Variants in DLG2 observed in about 807,000 individuals in gnomAD.
The protein encoded by DLG2 is disks large homolog 2.
DLG2 carries 45 observed loss-of-function variants against 132.5 expected under a neutral mutation model. That is an observed-to-expected ratio of 0.34 (90% CI 0.27 to 0.44). The LOEUF (loss-of-function observed/expected upper bound fraction) is 0.44. Among genes scored for constraint, DLG2 ranks in the 20% least tolerant of loss-of-function variants. The pLI, the probability that DLG2 is intolerant of heterozygous loss-of-function variation, is 1.00. For synonymous variants in DLG2, 424 were observed against 419.6 expected, an observed-to-expected ratio of 1.01 and a Z score of -0.13; for missense variants, 1,045 against 1,196.9, an observed-to-expected ratio of 0.87 and a Z score of 1.87.
chr11:85,617,167 C>T (rs1413591358), intron 2 of DLG2, among the ~76,000 whole-genome samples: 1 of 152,190 alleles, frequency 6.6e-6, no homozygotes, highest in East Asian at 1.9e-4. Context: ...TTACCTGATC[C>T]TGTCCCTTCT....
intron 18 of DLG2, among the ~76,000 whole-genome samples, chr11:83,704,502 G>A (rs192984628): frequency 6.6e-6 from 1 of 151,316 alleles, no homozygotes; most frequent in African/African-American, 2.4e-5. Context: ...ATAGTTTCTG[G>A]TTTTTTCTTT....
At chr11:83,937,118 T>G (rs771765575) in intron 14 of DLG2, among the ~76,000 whole-genome samples, 36 of 152,148 alleles carry the variant, frequency 2.4e-4, no homozygotes, top group Non-Finnish European at 4.6e-4. Context: ...CTACAAAATG[T>G]CAGGTTAGTA....
At chr11:84,305,890 A>G (rs1183546108) in intron 7 of DLG2, among the ~76,000 whole-genome samples, 1 of 152,162 alleles carries the variant, frequency 6.6e-6, no homozygotes, top group Non-Finnish European at 1.5e-5. Context: ...TTGCACAAAT[A>G]GATTTCTTAT....
chr11:84,637,924 T>C (rs2099643565), intron 6 of DLG2, among the ~76,000 whole-genome samples: 1 of 152,250 alleles, frequency 6.6e-6, no homozygotes, highest in African/African-American at 2.4e-5. Flanking sequence ...ATTTACAACA[T>C]GCCAATATGA....
In DLG2 at chr11:84,158,344, TG is replaced by T. The variant is rs540843359; in HGVS notation, c.624+5116del. Reference sequence around the variant, plus strand: ...TCCCAAAGGGCTGGGATTACAGGCATGAGCCACCGCCCCTGGCCTATTGTTG... The same window carrying T: ...TCCCAAAGGGCTGGGATTACAGGCATAGCCACCGCCCCTGGCCTATTGTTG... On this transcript the variant is annotated intron_variant, in intron 9 of 27. Transcript: ENST00000376104. Among the ~76,000 whole-genome samples the T allele has an allele frequency of 5.3e-5, 8 of 152,304 alleles. No individual in the cohort carries two copies. The South Asian group carries it at 1.7e-3, about 32-fold the overall frequency.
intron 6 of DLG2, among the ~76,000 whole-genome samples, chr11:84,881,774 C>T (rs1287601248): frequency 6.6e-6 from 1 of 152,014 alleles, no homozygotes; most frequent in African/African-American, 2.4e-5. Flanking sequence ...ATCAGAAAGG[C>T]AGATGGTAAA....
At chr11:83,537,312 T>C (rs555312541) in intron 20 of DLG2, among the ~76,000 whole-genome samples, 2 of 152,288 alleles carry the variant, frequency 1.3e-5, no homozygotes, top group Admixed American at 6.5e-5. Context: ...CATTGGACAG[T>C]GGGAACATCA....
intron 3 of DLG2, among the ~76,000 whole-genome samples, chr11:85,418,214 C>CA (rs1331716540): frequency 6.6e-6 from 1 of 152,138 alleles, no homozygotes; most frequent in Admixed American, 6.6e-5. Context: ...AGTAGTCACT[C>CA]AGGAGTAGGT....
chr11:84,979,734 A>C (rs1443656016), intron 6 of DLG2, among the ~76,000 whole-genome samples: 1 of 152,170 alleles, frequency 6.6e-6, no homozygotes, highest in African/African-American at 2.4e-5. Flanking sequence ...GCAGCACACC[A>C]ACATGGCACA....
chr11:85,419,702 T>C (rs536084428), intron 3 of DLG2, among the ~76,000 whole-genome samples: 21 of 152,346 alleles, frequency 1.4e-4, no homozygotes, highest in African/African-American at 5.0e-4. Context: ...TCTGATATCA[T>C]CTCTTCCACT....
chr11:84,547,394 T>G (rs1306779506), intron 6 of DLG2, among the ~76,000 whole-genome samples: 2 of 152,168 alleles, frequency 1.3e-5, no homozygotes, highest in African/African-American at 4.8e-5. Flanking sequence ...ACTTTAGCCT[T>G]TCTTTACGCC....
intron 7 of DLG2, among the ~76,000 whole-genome samples, chr11:84,255,213 G>A (rs571392171): frequency 1.3e-5 from 2 of 152,266 alleles, no homozygotes; most frequent in South Asian, 4.1e-4. Context: ...GCTATGACTA[G>A]TTTGATCTAG....
chr11:85,370,465 G>T (rs2152916665), intron 3 of DLG2, among the ~76,000 whole-genome samples: 1 of 152,250 alleles, frequency 6.6e-6, no homozygotes, highest in Middle Eastern at 3.4e-3. Context: ...TCAAAAAAGG[G>T]TATTATATGG....
chr11:85,050,105 A>AC (rs2062750145), intron 6 of DLG2, among the ~76,000 whole-genome samples: 1 of 123,024 alleles, frequency 8.1e-6, no homozygotes, highest in African/African-American at 3.1e-5. Context: ...AAGAGAACTG[A>AC]CCCACTGTGT....
chr11:83,901,747 T>A (rs1471812476), intron 15 of DLG2, among the ~76,000 whole-genome samples: 8 of 152,306 alleles, frequency 5.3e-5, no homozygotes, highest in African/African-American at 1.4e-4. Context: ...TCTGCTGTTG[T>A]CATAGTGTAG....
chr11:83,788,751 A>G (rs992074180), intron 17 of DLG2, among the ~76,000 whole-genome samples: 1 of 152,262 alleles, frequency 6.6e-6, no homozygotes, highest in Non-Finnish European at 1.5e-5. Flanking sequence ...AAATGTGATC[A>G]TGGCAAATAA....
At chr11:85,551,443 A>C (rs1232940317) in intron 3 of DLG2, among the ~76,000 whole-genome samples, 12 of 152,162 alleles carry the variant, frequency 7.9e-5, no homozygotes, top group Non-Finnish European at 1.6e-4. Flanking sequence ...AATAATTATA[A>C]TTGTACCAAT....
chr11:83,564,346 G>A (rs553746461), intron 19 of DLG2, among the ~76,000 whole-genome samples: 14 of 152,092 alleles, frequency 9.2e-5, no homozygotes, highest in East Asian at 1.9e-4. Context: ...GGAATGGGGG[G>A]GGTCAGGAGC....
intron 6 of DLG2, among the ~76,000 whole-genome samples, chr11:84,732,787 TCCCCCCACCCA>T (rs1175960249): frequency 6.9e-6 from 1 of 145,716 alleles, no homozygotes; most frequent in Non-Finnish European, 1.5e-5. Flanking sequence ...ATGCTATCCC[TCCCCCCACCCA>T]CCCCACAACA....
Sources: allele counts gnomAD v4.1 joint callset (sites outside exome capture counted in the v4.1 genomes callset), GRCh38; gene constraint gnomAD v4.1.1; transcripts MANE v1.5; gene names NCBI Gene and HGNC (gene_info 2026-07-23, HGNC 2026-07-21).